MCF2L2: variants seen among roughly 807,000 people sequenced by gnomAD.
MCF2L2 encodes MCF.2 cell line derived transforming sequence-like 2.
In MCF2L2, 102 loss-of-function variants were observed where a neutral mutation model predicts 150.2. The ratio of observed to expected loss-of-function variants is 0.68; its 90% CI spans 0.58 to 0.80. The LOEUF is 0.80. Among genes scored for constraint, MCF2L2 ranks in the 30% least tolerant of loss-of-function variants. The probability of loss-of-function intolerance (pLI) is 0.00; values close to 1 mark genes in which losing one functional copy is unlikely to be tolerated. For missense variants in MCF2L2, 1,256 were observed against 1,372.8 expected, an observed-to-expected ratio of 0.91 and a Z score of 1.34; for synonymous variants, 465 against 491.3, an observed-to-expected ratio of 0.95 and a Z score of 0.71.
intron 5 of MCF2L2, among the ~76,000 whole-genome samples, chr3:183,332,699 G>A (rs1730321107): frequency 6.6e-6 from 1 of 152,174 alleles, no homozygotes; most frequent in African/African-American, 2.4e-5. Flanking sequence ...GAAGGGACTC[G>A]TGAAGATGAT....
chr3:183,242,220 T>C (rs539029731), intron 15 of MCF2L2, among the ~76,000 whole-genome samples: 21 of 152,324 alleles, frequency 1.4e-4, no homozygotes, highest in South Asian at 2.1e-4. Context: ...GATGATGTGA[T>C]AGAAAAGAAA....
intron 3 of MCF2L2, among the ~76,000 whole-genome samples, chr3:183,352,962 CA>C (rs150848165): frequency 0.03 from 4,615 of 152,164 alleles, 235 homozygotes; most frequent in African/African-American, 0.11. Context: ...AATTACCAAT[CA>C]GAAAATGTTC....
intron 18 of MCF2L2, 154 bp from the exon 19 acceptor site, chr3:183,224,344 G>A: frequency 1.7e-6 from 1 of 585,322 alleles, no homozygotes; most frequent in East Asian, 2.8e-5. Context: ...TGGGATGTGT[G>A]TGTGATGGAG....
At chr3:183,190,706 G>A (rs571473988) in intron 27 of MCF2L2, among the ~76,000 whole-genome samples, 21 of 152,272 alleles carry the variant, frequency 1.4e-4, no homozygotes, top group African/African-American at 4.6e-4. Context: ...CTGGCTGGAC[G>A]ACCCTGGGCA....
chr3:183,297,997 T>A (rs940711711), intron 11 of MCF2L2: 1 of 152,236 alleles, frequency 6.6e-6, no homozygotes, highest in East Asian at 1.9e-4. Flanking sequence ...GAGAAGGGCA[T>A]GTCCCTTTTA....
At chr3:183,343,106 T>C (rs1174603031) in intron 3 of MCF2L2, among the ~76,000 whole-genome samples, 6 of 152,114 alleles carry the variant, frequency 3.9e-5, no homozygotes, top group Admixed American at 1.3e-4. Flanking sequence ...TGAAGAAATA[T>C]AGGTTCAGCT....
chr3:183,341,558 T>C lies in MCF2L2; in HGVS notation c.348A>G (p.Ala116=). ...TATTTACAGCTATTCGTGTCAAGGATGCCTTTACGGAGCTCCACTTGTCTC... is the reference window on the plus strand; with the variant it reads ...TATTTACAGCTATTCGTGTCAAGGACGCCTTTACGGAGCTCCACTTGTCTC... ...RRRDKWSSVK[A]SLTRIAVAFP... Residue 116 remains alanine, a synonymous_variant, in exon 4 of 30, where the codon GCA becomes GCG. Coordinates refer to ENST00000328913, the MANE Select transcript of MCF2L2 (RefSeq NM_015078.4). 1.2e-6 allele frequency: 2 copies of C among 1,613,250 alleles called. No homozygotes were observed. Among genetic ancestry groups the C allele is most frequent in the Non-Finnish European group, 1.7e-6 (2 of 1,179,138 alleles).
chr3:183,353,403 A>T (rs569065452), intron 3 of MCF2L2, among the ~76,000 whole-genome samples: 3 of 152,282 alleles, frequency 2.0e-5, no homozygotes, highest in African/African-American at 7.2e-5. Flanking sequence ...CAGTAATGGG[A>T]TGTATTAGCC....
intron 20 of MCF2L2, among the ~76,000 whole-genome samples, chr3:183,221,232 C>A (rs1723138163): frequency 6.6e-6 from 1 of 152,202 alleles, no homozygotes; most frequent in Non-Finnish European, 1.5e-5. Flanking sequence ...CGGCTCCTCA[C>A]AGACCCCCCG....
intron 1 of MCF2L2, among the ~76,000 whole-genome samples, chr3:183,390,582 A>C (rs146042200): frequency 1.9e-3 from 286 of 152,306 alleles, no homozygotes; most frequent in African/African-American, 6.6e-3. Context: ...TTTTCATGTT[A>C]TCTCTGCCTA....
At chr3:183,234,707 T>TTTTTTTTTTTA (rs774291171) in intron 15 of MCF2L2, among the ~76,000 whole-genome samples, 6 of 113,956 alleles carry the variant, frequency 5.3e-5, no homozygotes, top group Non-Finnish European at 9.3e-5. Flanking sequence ...TTTTTTTTTT[T>TTTTTTTTTTTA]TTATTATACT....
At chr3:183,224,006 C>G (rs1454990792) in intron 19 of MCF2L2, 92 bp downstream of exon 19, 16 of 914,570 alleles carry the variant, frequency 1.7e-5, no homozygotes, top group Non-Finnish European at 2.7e-5. Flanking sequence ...ATCGCAATGC[C>G]AAGTTCCTCT....
intron 14 of MCF2L2, 69 bp from the exon 15 acceptor site, chr3:183,277,026 C>G: frequency 9.5e-7 from 1 of 1,051,240 alleles, no homozygotes; most frequent in African/African-American, 1.6e-5. Context: ...TTTCTCTCTC[C>G]CAATTTCTGT....
rs754331263 is a variant in MCF2L2 at position 183,179,673 on chromosome 3, G to A, written c.3125C>T (p.Ser1042Leu). The change falls in exon 29 of 30, where the codon TCG becomes TTG. Residue 1042 changes from serine (S) to leucine (L), a missense_variant. Ser to Leu is a moderately radical substitution (Grantham distance 145). Transcript: ENST00000328913. This position sits in a 1 kb window ranked among gnomAD's most constrained non-coding sequence, Gnocchi z 4.2. ...GGAACAGGTTTCGTGACTGTCGTCC[G>A]ACTGGAAAAGGCCCGCGAGCTGGAA... ...SALSLAGLFQSDDSHETCSSK... is the reference protein window; with the variant it reads ...SALSLAGLFQLDDSHETCSSK... The A allele has an allele frequency of 1.9e-6, 3 of 1,613,878 alleles. No individual in the cohort carries two copies. The highest frequency in any genetic ancestry group is 3.3e-4 in the Middle Eastern group (2 of 6,082).
intron 3 of MCF2L2, among the ~76,000 whole-genome samples, chr3:183,361,009 A>AAG (rs1712131153): frequency 7.6e-5 from 10 of 132,022 alleles, no homozygotes; most frequent in African/African-American, 2.0e-4. Context: ...AAAAGAAAAG[A>AAG]AAAGAAAAGA....
At chr3:183,336,323 G>A (rs1730479558) in intron 5 of MCF2L2, among the ~76,000 whole-genome samples, 1 of 152,074 alleles carries the variant, frequency 6.6e-6, no homozygotes, top group Non-Finnish European at 1.5e-5. Flanking sequence ...CAAAGGGCAT[G>A]TGATATTCTT....
At chr3:183,401,713 G>A (rs561861838) in intron 1 of MCF2L2, among the ~76,000 whole-genome samples, 78 of 152,320 alleles carry the variant, frequency 5.1e-4, no homozygotes, top group African/African-American at 1.7e-3. Flanking sequence ...TTTGTGTCTA[G>A]CTTCTCTCAG....
At chr3:183,310,662 CA>C (rs60284418) in intron 9 of MCF2L2, 101,110 of 374,082 alleles carry the variant, frequency 0.27, 12,083 homozygotes, top group African/African-American at 0.4. Flanking sequence ...GACCCTGTTT[CA>C]AAAAAAAAAG....
At chr3:183,409,822 C>G (rs1715231589) in intron 1 of MCF2L2, among the ~76,000 whole-genome samples, 1 of 152,132 alleles carries the variant, frequency 6.6e-6, no homozygotes, top group African/African-American at 2.4e-5. Context: ...TCCCAAAGTG[C>G]TAGGATTACA....
Sources: allele counts gnomAD v4.1 joint callset (sites outside exome capture counted in the v4.1 genomes callset), GRCh38; gene constraint gnomAD v4.1.1; non-coding constraint Gnocchi (gnomAD v3.1); transcripts MANE v1.5; gene names NCBI Gene and HGNC (gene_info 2026-07-23, HGNC 2026-07-21).